PMM1: variants seen among roughly 807,000 people sequenced by gnomAD.
PMM1 encodes the protein phosphomannomutase 1.
In PMM1, 25 loss-of-function variants were observed where a neutral mutation model predicts 34.0. The observed-to-expected ratio is 0.73, with a 90% CI of 0.54 to 1.03. The LOEUF (loss-of-function observed/expected upper bound fraction) is 1.03. Among genes scored for constraint, PMM1 ranks in the 50% least tolerant of loss-of-function variants. PMM1 has a pLI of 0.00. For missense variants in PMM1, 321 were observed against 350.1 expected (o/e 0.92, Z 0.66); for synonymous variants, 134 against 143.9 (o/e 0.93, Z 0.49).
intron 1 of PMM1, among the ~76,000 whole-genome samples, chr22:41,588,011 T>G (rs187826010): frequency 6.6e-6 from 1 of 152,386 alleles, no homozygotes; most frequent in Admixed American, 6.5e-5. Context: ...GAGTCAGAAC[T>G]GTGCCTAGGC....
At chr22:41,583,155 G>C (rs1386480555) in intron 5 of PMM1, among the ~76,000 whole-genome samples, 1 of 151,994 alleles carries the variant, frequency 6.6e-6, no homozygotes, top group Admixed American at 6.6e-5. Flanking sequence ...AGGGGGTGGG[G>C]CTGGGGGGTG....
rs1383088550 is a variant in PMM1, at chr22:41,588,858, TG to T, written c.87+860del. Reference sequence around the variant, plus strand: ...CCCCCACGCTAGGAGACCTGTTGGTTGGTCCTTGAGGCCCCCAGACTGGAGG... The same window carrying T: ...CCCCCACGCTAGGAGACCTGTTGGTTGTCCTTGAGGCCCCCAGACTGGAGG... On this transcript the variant is annotated intron_variant, in intron 1 of 7. Transcript: ENST00000216259. 5 of 985,244 alleles carry T rather than the reference TG, an allele frequency of 5.1e-6. No homozygotes were observed. In the African/African-American group the frequency reaches 7.0e-5, roughly 14 times the overall value. 61.0% of individuals were successfully genotyped at this position (985,244 alleles called of 1,614,324 possible).
At chr22:41,583,124 G>T (rs2067264835) in intron 5 of PMM1, among the ~76,000 whole-genome samples, 1 of 151,856 alleles carries the variant, frequency 6.6e-6, no homozygotes, top group Admixed American at 6.6e-5. Context: ...GCAACGAGGA[G>T]CCAAGGAAGG....
intron 2 of PMM1, chr22:41,584,863 T>G: frequency 2.4e-6 from 1 of 421,062 alleles, no homozygotes; most frequent in Non-Finnish European, 4.3e-6. Context: ...CTTCCCTGGC[T>G]TCCCTGCCAC....
In PMM1 at chr22:41,588,871, C is replaced by T. The variant is rs2067344822; in HGVS notation, c.87+848G>A. 7 of 983,330 alleles carry T rather than the reference C, an allele frequency of 7.1e-6. No homozygotes were observed. The South Asian group carries it at 2.8e-4, about 40-fold the overall frequency. 60.9% of individuals were successfully genotyped at this position (983,330 alleles called of 1,614,324 possible). A position where few individuals can be genotyped will look rare whatever the true frequency, so the allele number is the denominator to read the frequency against. Reference sequence around the variant, plus strand: ...AGACCTGTTGGTTGGTCCTTGAGGCCCCCAGACTGGAGGGTGGGTTACCCA... The same window carrying T: ...AGACCTGTTGGTTGGTCCTTGAGGCTCCCAGACTGGAGGGTGGGTTACCCA... On this transcript the variant is annotated intron_variant, in intron 1 of 7. Transcript: ENST00000216259.
intron 1 of PMM1, among the ~76,000 whole-genome samples, chr22:41,586,601 C>T (rs1337830657): frequency 3.3e-5 from 5 of 151,924 alleles, no homozygotes; most frequent in Non-Finnish European, 4.4e-5. Context: ...CTCTGCCTCC[C>T]GGGTTCAAGC....
At chr22:41,583,181 T>G (rs1327278899) in intron 5 of PMM1, among the ~76,000 whole-genome samples, 2 of 152,012 alleles carry the variant, frequency 1.3e-5, no homozygotes, top group Non-Finnish European at 2.9e-5. Flanking sequence ...GGCTGACATG[T>G]TTGAAAGGTT....
At chr22:41,578,765 C>T (rs758461329) in intron 6 of PMM1, 41 bp downstream of exon 6, 57 of 1,557,676 alleles carry the variant, frequency 3.7e-5, no homozygotes, top group Non-Finnish European at 4.9e-5. Context: ...GAGGAGGGGC[C>T]CTGTACCAGG....
chr22:41,587,453 A>T (rs1207339147), intron 1 of PMM1, among the ~76,000 whole-genome samples: 1 of 151,368 alleles, frequency 6.6e-6, no homozygotes, highest in Non-Finnish European at 1.5e-5. Flanking sequence ...AAAAAAAAAA[A>T]AAAAAAAGAT....
At position 41,589,791 on chromosome 22, in the gene PMM1, G is replaced by A. The variant is rs372986187; in HGVS notation, c.15C>T (p.Ala5=). 3.1e-6 allele frequency: 5 copies of A among 1,607,856 alleles called. No homozygotes were observed. Among genetic ancestry groups the A allele is most frequent in the Non-Finnish European group, 3.4e-6 (4 of 1,178,178 alleles). The change falls in exon 1 of 8, where the codon GCC becomes GCT. Residue 5 remains alanine (A), a synonymous_variant. Transcript: ENST00000216259. The part of the protein sequence containing the change: MAVT[A]QAARRKERVL... ...CGCGCTCCTTCCTGCGGGCTGCCTG[G>A]GCGGTGACTGCCATGGCTGCAGGTC...
In PMM1 at chr22:41,588,420, G is replaced by A. The variant is rs12159399; in HGVS notation, c.87+1299C>T. Among the ~76,000 whole-genome samples the A allele has an allele frequency of 3.2e-4, 49 of 152,292 alleles. 1 individual carries two copies. Among genetic ancestry groups the A allele is most frequent in the African/African-American group, 1.2e-3 (48 of 41,560 alleles). On this transcript the variant is annotated intron_variant, in intron 1 of 7. Transcript: ENST00000216259. ...ATTTTTAGTAGAGATAGGGTTTCAC[G>A]ATATTGGTCAGGCTGGTCTTAAACT... is the stretch of plus-strand genomic sequence containing the variant.
chr22:41,577,864 T>C lies in PMM1; in HGVS notation c.610A>G (p.Ser204Gly), dbSNP rs755957134. ...GTGTCGAAGCTGTCCTGGTCCAGGC[T>C]ATCCAGGCAGTAGCGCTTGTCCCAG... ...EGWDKRYCLD[S>G]LDQDSFDTIH... The change falls in exon 7 of 8, where the codon AGC (serine) becomes GGC (glycine). Residue 204 changes from serine to glycine, a missense_variant. Ser to Gly is a moderately conservative substitution (Grantham distance 56). Transcript: ENST00000216259. 2 of 1,613,518 alleles carry C rather than the reference T, an allele frequency of 1.2e-6. No individual in the cohort carries two copies. The highest frequency in any genetic ancestry group is 3.3e-5 in the Admixed American group (2 of 60,008).
intron 5 of PMM1, 100 bp downstream of exon 5, chr22:41,583,859 G>A: frequency 1.2e-6 from 1 of 803,460 alleles, no homozygotes; most frequent in Non-Finnish European, 2.2e-6. Flanking sequence ...AGTTAAATCA[G>A]AACACATCCC....
In PMM1 at chr22:41,586,095, C is replaced by T. The variant is rs756426239; in HGVS notation, c.186G>A (p.Gln62=). The T allele has an allele frequency of 1.9e-6, 3 of 1,609,706 alleles. No individual in the cohort carries two copies. Among genetic ancestry groups the T allele is most frequent in the Non-Finnish European group, 1.7e-6 (2 of 1,178,330 alleles). The change falls in exon 2 of 8, where the codon CAG becomes CAA. Residue 62 remains glutamine, a synonymous_variant. Transcript: ENST00000216259. ...TCCTACCTTCATCCCCGTCACCCAG[C>T]TGCTCAGCGATCTTACAGTAGTCAG... ...GGSDYCKIAE[Q]LGDGDEVIEK...
chr22:41,581,516 G>A (rs749165514), intron 5 of PMM1, among the ~76,000 whole-genome samples: 1 of 152,140 alleles, frequency 6.6e-6, no homozygotes, highest in African/African-American at 2.4e-5. Context: ...TCGAGCCTTG[G>A]TTTCCTCATT....
Position 41,584,592 on chromosome 22 carries a change from ACT to A in PMM1, c.215_216del (p.Lys72IlefsTer2). On this transcript the variant is annotated frameshift_variant, in exon 3 of 8. Transcript: ENST00000216259. LOFTEE classifies it high-confidence loss of function. ...CCGTTCTCGGCAAACACATAATCAA[ACT>A]TCTCAATGACTTCAGGGTCACATAG... The part of the protein sequence containing the change: ...QLGDGDEVIE[K>X]FDYVFAENGT... 6.2e-7 allele frequency: 1 copy of A among 1,613,528 alleles called. No homozygotes were observed. The highest frequency in any genetic ancestry group is 8.5e-7 in the Non-Finnish European group (1 of 1,179,676).
intron 1 of PMM1, chr22:41,588,821 C>T (rs1350376662): frequency 1.0e-6 from 1 of 985,340 alleles, no homozygotes; most frequent in Admixed American, 6.1e-5. Context: ...CAGTAAAGCC[C>T]ATCCCACTGC....
rs1368869524 is a variant in PMM1, at chr22:41,578,881, T to C, written c.475A>G (p.Lys159Glu). The C allele has an allele frequency of 1.2e-6, 2 of 1,613,712 alleles. No homozygotes were observed. The highest frequency in any genetic ancestry group is 1.7e-6 in the Non-Finnish European group (2 of 1,179,856). The change falls in exon 6 of 8, where the codon AAA (lysine) becomes GAA (glutamate). Residue 159 changes from lysine to glutamate, a missense_variant and splice_region_variant. Physicochemically the swap from Lys to Glu is moderately conservative, Grantham distance 56 (BLOSUM62 1). Transcript: ENST00000216259. Reference protein sequence around the residue: ...ERIEFSELDKKEKIREKFVEA... With the variant: ...ERIEFSELDKEEKIREKFVEA... ...ACGAACTTCTCCCGGATCTTCTCTT[T>C]CTGCAGAGGGGAGGGAGCGGATGGC... is the stretch of plus-strand genomic sequence containing the variant.
intron 4 of PMM1, 73 bp downstream of exon 4, chr22:41,584,208 G>T: frequency 1.4e-6 from 2 of 1,428,908 alleles, no homozygotes; most frequent in Non-Finnish European, 9.9e-7. Context: ...GTATCTCCAG[G>T]TTCCCTCTGA....
Sources: gnomAD v4.1 joint callset for allele counts (sites outside exome capture counted in the v4.1 genomes callset) on GRCh38, gnomAD v4.1.1 for gene constraint, MANE v1.5 for transcripts, NCBI Gene and HGNC (gene_info 2026-07-23, HGNC 2026-07-21) for gene names.